DNAH11: variants seen among roughly 807,000 people sequenced by gnomAD.
DNAH11 encodes axonemal beta dynein heavy chain 11.
DNAH11 carries 442 observed loss-of-function variants against 526.0 expected under a neutral mutation model. The ratio of observed to expected loss-of-function variants is 0.84; its 90% CI spans 0.78 to 0.91. DNAH11 has a LOEUF of 0.91. Among genes scored for constraint, DNAH11 ranks in the 40% least tolerant of loss-of-function variants. The pLI is 0.00. For synonymous variants in DNAH11, 2,461 were observed against 1,935.9 expected, an observed-to-expected ratio of 1.27 and a Z score of -7.12; for missense variants, 6,989 against 5,448.7, an observed-to-expected ratio of 1.28 and a Z score of -8.90.
In DNAH11 at chr7:21,619,193, A is replaced by G; in HGVS notation, c.4348A>G (p.Lys1450Glu). The G allele has an allele frequency of 1.2e-6, 2 of 1,613,356 alleles. No individual in the cohort carries two copies. The highest frequency in any genetic ancestry group is 1.7e-6 in the Non-Finnish European group (2 of 1,179,594). ...VEDDVRRIVD[K>E]AVKELGTEKV... The stretch of plus-strand genomic sequence containing the variant: ...AGATGATGTCCGAAGGATTGTGGAC[A>G]AGGCGGTGAAAGAGCTGGGGACTGA... Residue 1450 changes from lysine to glutamate, a missense_variant, in exon 24 of 82, where the codon AAG becomes GAG. Transcript: ENST00000409508.
chr7:21,705,937 G>A (rs960433297), intron 39 of DNAH11, among the ~76,000 whole-genome samples: 1 of 152,116 alleles, frequency 6.6e-6, no homozygotes, highest in Non-Finnish European at 1.5e-5. Context: ...ATATCTGGCT[G>A]GAAGATTGGA....
chr7:21,587,955 T>A, intron 9 of DNAH11, 109 bp from the exon 10 acceptor site: 1 of 1,068,716 alleles, frequency 9.4e-7, no homozygotes, highest in Non-Finnish European at 1.3e-6. Context: ...AGGATGCTTT[T>A]AAGATTCTAA....
chr7:21,807,804 A>G (rs1372299176), intron 62 of DNAH11, 79 bp from the exon 63 acceptor site: 2 of 1,415,970 alleles, frequency 1.4e-6, no homozygotes, highest in Non-Finnish European at 9.6e-7. Context: ...AAACCTTGCC[A>G]TAAGGTAATT....
intron 62 of DNAH11, among the ~76,000 whole-genome samples, chr7:21,804,020 A>G (rs1276288511): frequency 2.0e-5 from 3 of 152,260 alleles, no homozygotes; most frequent in East Asian, 1.9e-4. Flanking sequence ...TCTCTTAGCA[A>G]GAAACGAGGG....
chr7:21,652,973 T>A (rs1387879518), intron 28 of DNAH11, among the ~76,000 whole-genome samples: 1 of 152,064 alleles, frequency 6.6e-6, no homozygotes, highest in Non-Finnish European at 1.5e-5. Context: ...GCCTCCCAGG[T>A]TCAAGTGATT....
chr7:21,817,705 G>A (rs4722059), intron 64 of DNAH11, among the ~76,000 whole-genome samples: 5 of 151,096 alleles, frequency 3.3e-5, no homozygotes, highest in African/African-American at 9.8e-5. Context: ...ATTTTTTTTT[G>A]ATGTAGTTTT....
At chr7:21,569,499 T>C (rs1783796788) in intron 6 of DNAH11, among the ~76,000 whole-genome samples, 1 of 152,200 alleles carries the variant, frequency 6.6e-6, no homozygotes, top group South Asian at 2.1e-4. Flanking sequence ...TCTCTTCCTT[T>C]CTTTTCCTCT....
intron 30 of DNAH11, among the ~76,000 whole-genome samples, chr7:21,674,956 C>T (rs1226865734): frequency 6.6e-6 from 1 of 152,204 alleles, no homozygotes; most frequent in Non-Finnish European, 1.5e-5. Flanking sequence ...ACCACCAATT[C>T]TGTCACTGTT....
intron 30 of DNAH11, 113 bp downstream of exon 30, chr7:21,659,144 T>C: frequency 1.1e-6 from 1 of 907,048 alleles, no homozygotes; most frequent in Non-Finnish European, 1.6e-6. Context: ...CAAAATACTA[T>C]GCTGGGAAGA....
rs1782666524 is a variant in DNAH11 at position 21,543,485 on chromosome 7, T to C, written c.240T>C (p.Tyr80=). 6.2e-7 allele frequency: 1 copy of C among 1,601,758 alleles called. No individual in the cohort carries two copies. The highest frequency in any genetic ancestry group is 8.5e-7 in the Non-Finnish European group (1 of 1,173,972). Residue 80 remains tyrosine, a synonymous_variant, in exon 1 of 82, where the codon TAT becomes TAC. Coordinates refer to ENST00000409508, the MANE Select transcript of DNAH11 (RefSeq NM_001277115.2). ...TCACGGAGGAGAAATGGAGCCAGTA[T>C]TTGGAAAGCGAGGACAACCGGCAGG... is the stretch of plus-strand genomic sequence containing the variant. ...LGFTEEKWSQ[Y]LESEDNRQVL... is the part of the protein sequence containing the mutation.
chr7:21,836,380 T>C (rs1781998371), intron 65 of DNAH11, among the ~76,000 whole-genome samples: 1 of 152,066 alleles, frequency 6.6e-6, no homozygotes, highest in Admixed American at 6.6e-5. Context: ...CAAAAGAGCA[T>C]GGCACTTGCG....
chr7:21,670,316 A>G (rs955935462), intron 30 of DNAH11, among the ~76,000 whole-genome samples: 1 of 151,930 alleles, frequency 6.6e-6, no homozygotes, highest in African/African-American at 2.4e-5. Context: ...TAATTTTTAA[A>G]TTTCATTTCC....
chr7:21,632,322 G>A (rs1377848333), intron 25 of DNAH11, among the ~76,000 whole-genome samples: 1 of 152,232 alleles, frequency 6.6e-6, no homozygotes, highest in Admixed American at 6.5e-5. Flanking sequence ...TTGCCTTGGA[G>A]ATTAACATTC....
intron 20 of DNAH11, among the ~76,000 whole-genome samples, chr7:21,612,356 C>G (rs1035705321): frequency 2.0e-5 from 3 of 151,886 alleles, no homozygotes; most frequent in Non-Finnish European, 4.4e-5. Context: ...GAGATCGAGA[C>G]CATCCTGGCT....
In DNAH11 at chr7:21,600,026, C is replaced by T. The variant is rs777691425; in HGVS notation, c.2907C>T (p.Phe969=). 3.7e-6 allele frequency: 6 copies of T among 1,609,212 alleles called. No individual in the cohort carries two copies. In the Admixed American group the frequency reaches 6.7e-5, roughly 18 times the overall value. The part of the protein sequence containing the change: ...PSLDREAGDG[F]YDLVEEMLCN... The stretch of plus-strand genomic sequence containing the variant: ...TAGACAGAGAGGCTGGGGATGGCTT[C>T]TATGATCTTGTAGAAGAAATGTTAT... Residue 969 remains phenylalanine (F), a synonymous_variant, in exon 15 of 82, where the codon TTC becomes TTT. Coordinates refer to ENST00000409508, the MANE Select transcript of DNAH11 (RefSeq NM_001277115.2).
chr7:21,804,201 C>T (rs961706797), intron 62 of DNAH11, among the ~76,000 whole-genome samples: 3 of 152,100 alleles, frequency 2.0e-5, no homozygotes, highest in Non-Finnish European at 2.9e-5. Context: ...CTCCGCCTCC[C>T]GGGTTCACGC....
intron 25 of DNAH11, among the ~76,000 whole-genome samples, chr7:21,625,442 T>G (rs1188582995): frequency 6.6e-6 from 1 of 152,152 alleles, no homozygotes; most frequent in Non-Finnish European, 1.5e-5. Context: ...TGTTTACTAT[T>G]CAAAAAACCA....
rs1784467145 is a variant in DNAH11, at chr7:21,711,659, G to A, written c.6835-53G>A. ...TAGGGGAAAGTACTTGTTGCTTCTG[G>A]ATGTTTGCGGCATTGCTTTTGCCCA... On this transcript the variant is annotated intron_variant, in intron 41 of 81. Transcript: ENST00000409508. The A allele has an allele frequency of 2.2e-5, 35 of 1,582,298 alleles. No homozygotes were observed. In the South Asian group the frequency reaches 3.9e-4, roughly 18 times the overall value.
Position 21,713,197 on chromosome 7 carries a change from A to G in DNAH11, c.6983+1337A>G, listed in dbSNP as rs540215447. Among the ~76,000 whole-genome samples, 14 of 152,310 alleles carry G rather than the reference A, an allele frequency of 9.2e-5. No homozygotes were observed. In the South Asian group the frequency reaches 2.9e-3, roughly 32 times the overall value. On this transcript the variant is annotated intron_variant, in intron 42 of 81. Coordinates refer to ENST00000409508, the MANE Select transcript of DNAH11 (RefSeq NM_001277115.2). ...GTCACTGAGCTCTGCCAGTGAACCC[A>G]TGCTTGTGCCTGGCATGCTTCTTAC...
Sources: gnomAD v4.1 joint callset for allele counts (sites outside exome capture counted in the v4.1 genomes callset) on GRCh38, gnomAD v4.1.1 for gene constraint, MANE v1.5 for transcripts, NCBI Gene and HGNC (gene_info 2026-07-23, HGNC 2026-07-21) for gene names.